Variants in CTNNA3 observed in about 807,000 individuals in gnomAD.
CTNNA3 encodes catenin alpha 3.
A neutral mutation model predicts 95.7 loss-of-function variants in CTNNA3; 76 were observed. That is an observed-to-expected ratio of 0.79 (90% CI 0.66 to 0.96). The LOEUF (loss-of-function observed/expected upper bound fraction) is 0.96, where lower values mean the gene tolerates loss of function less well. CTNNA3 is among the 40% of genes least tolerant of loss of function. CTNNA3 has a pLI of 0.00. For missense variants in CTNNA3, 1,191 were observed against 1,089.8 expected, an observed-to-expected ratio of 1.09 and a Z score of -1.31; for synonymous variants, 431 against 374.4, an observed-to-expected ratio of 1.15 and a Z score of -1.74.
chr10:66,943,660 T>C (rs1214662159), intron 7 of CTNNA3, among the ~76,000 whole-genome samples: 1 of 152,172 alleles, frequency 6.6e-6, no homozygotes, highest in Non-Finnish European at 1.5e-5. Flanking sequence ...ACATGCTACT[T>C]AAACATAGTT....
In CTNNA3 at chr10:66,927,100, G is replaced by A. The variant is rs1847126133; in HGVS notation, c.1048-151576C>T. 6.2e-7 allele frequency: 1 copy of A among 1,613,978 alleles called. No homozygotes were observed. The highest frequency in any genetic ancestry group is 8.5e-7 in the Non-Finnish European group (1 of 1,180,036). On this transcript the variant is annotated intron_variant, in intron 7 of 17. Coordinates refer to ENST00000433211, the MANE Select transcript of CTNNA3 (RefSeq NM_013266.4). This position sits in a 1 kb window ranked among gnomAD's most constrained non-coding sequence, Gnocchi z 4.7. ...GGAGATACCCTCAAGTATATCTGCT[G>A]GTTGCTTAGGTTTGTCCCTTCGCTA...
At chr10:66,090,065 T>A (rs1187742792) in intron 14 of CTNNA3, among the ~76,000 whole-genome samples, 3 of 151,992 alleles carry the variant, frequency 2.0e-5, no homozygotes, top group Non-Finnish European at 1.5e-5. Context: ...AGCAAACGGA[T>A]TTAGGCATCT....
At chr10:65,952,715 G>A (rs759882332) in intron 17 of CTNNA3, among the ~76,000 whole-genome samples, 3 of 152,038 alleles carry the variant, frequency 2.0e-5, no homozygotes, top group Non-Finnish European at 4.4e-5. Flanking sequence ...TGGCTCTTTT[G>A]GTCAATAGCT....
rs535940669 is a variant in CTNNA3, at chr10:66,498,945, A to G, written c.1531+21672T>C. Among the ~76,000 whole-genome samples, 9 of 152,288 alleles carry G rather than the reference A, an allele frequency of 5.9e-5. No individual in the cohort carries two copies. The South Asian group carries it at 1.9e-3, about 32-fold the overall frequency. On this transcript the variant is annotated intron_variant, in intron 11 of 17. Transcript: ENST00000433211. Reference sequence around the variant, plus strand: ...GACGTTACTCCTGTAAAAATCATATACAAGTTTATTTGAGTAAAACAGATT... The same window carrying G: ...GACGTTACTCCTGTAAAAATCATATGCAAGTTTATTTGAGTAAAACAGATT...
chr10:66,508,193 G>T (rs139591668), intron 11 of CTNNA3, among the ~76,000 whole-genome samples: 312 of 97,570 alleles, frequency 3.2e-3, no homozygotes, highest in Middle Eastern at 0.011. Context: ...TTTTTTTTTT[G>T]TTTTGTTTTG....
At chr10:67,178,158 C>A (rs1210419398) in intron 7 of CTNNA3, among the ~76,000 whole-genome samples, 2 of 152,140 alleles carry the variant, frequency 1.3e-5, no homozygotes, top group Non-Finnish European at 2.9e-5. Flanking sequence ...TACTGCCACC[C>A]TTTATTCCTT....
chr10:67,153,515 T>C (rs895141821), intron 7 of CTNNA3, among the ~76,000 whole-genome samples: 1 of 152,182 alleles, frequency 6.6e-6, no homozygotes, highest in Non-Finnish European at 1.5e-5. Context: ...TTCAGAAAGG[T>C]TGTGAAATTT....
chr10:67,211,490 GTAAA>G (rs906541078), intron 6 of CTNNA3, among the ~76,000 whole-genome samples: 7 of 152,164 alleles, frequency 4.6e-5, no homozygotes, highest in African/African-American at 1.4e-4. Context: ...CTTTTATTGG[GTAAA>G]TATTTATTAG....
At chr10:67,696,266 C>T (rs1292160691), upstream of CTNNA3, 1 of 152,086 alleles carries the variant, frequency 6.6e-6, no homozygotes, top group Non-Finnish European at 1.5e-5. Context: ...CAACTTGTTA[C>T]TGAAAATACT....
At chr10:66,269,043 C>T (rs997353244) in intron 13 of CTNNA3, among the ~76,000 whole-genome samples, 2 of 152,150 alleles carry the variant, frequency 1.3e-5, no homozygotes, top group African/African-American at 4.8e-5. Context: ...ATTTGTTATT[C>T]TAACTACTAC....
At chr10:66,428,746 T>A (rs1478716998) in intron 11 of CTNNA3, among the ~76,000 whole-genome samples, 1 of 151,600 alleles carries the variant, frequency 6.6e-6, no homozygotes, top group African/African-American at 2.4e-5. Flanking sequence ...TGGGACACAT[T>A]TAAAGCAGTG....
intron 13 of CTNNA3, among the ~76,000 whole-genome samples, chr10:66,220,514 TG>T (rs983961603): frequency 2.6e-5 from 4 of 152,172 alleles, no homozygotes; most frequent in African/African-American, 9.7e-5. Context: ...TGATACAGTG[TG>T]GTCTGTTAGC....
chr10:67,073,616 G>A (rs888685467), intron 7 of CTNNA3, among the ~76,000 whole-genome samples: 3 of 150,624 alleles, frequency 2.0e-5, no homozygotes, highest in Non-Finnish European at 4.4e-5. Context: ...ACAAAATAAA[G>A]AGGAAAAAAA....
In CTNNA3 at chr10:65,914,976, G is replaced by GAT. The variant is rs2133089870; in HGVS notation, c.*5352_*5353dup. On this transcript the variant is annotated 3_prime_UTR_variant, in exon 18 of 18. Coordinates refer to ENST00000433211, the MANE Select transcript of CTNNA3 (RefSeq NM_013266.4). Reference sequence around the variant, plus strand: ...CCCTCAGCTTCCTTGTCTGTGGAATGATATATATCCTATAGGGTTATTTGG... The same window carrying GAT: ...CCCTCAGCTTCCTTGTCTGTGGAATGATATATATATCCTATAGGGTTATTTGG... 1 of 152,242 alleles carries GAT rather than the reference G, an allele frequency of 6.6e-6. No homozygotes were observed. Among genetic ancestry groups the GAT allele is most frequent in the South Asian group, 2.1e-4 (1 of 4,824 alleles). The allele number at this position is 152,242 out of a possible 1,614,324, so 9.4% of individuals were successfully genotyped here. A position where few individuals can be genotyped will look rare whatever the true frequency, so the allele number is the denominator to read the frequency against.
At chr10:67,509,387 T>A (rs1200654040) in intron 5 of CTNNA3, among the ~76,000 whole-genome samples, 1 of 152,224 alleles carries the variant, frequency 6.6e-6, no homozygotes, top group Non-Finnish European at 1.5e-5. Flanking sequence ...TTCCCTGCCC[T>A]GTGTCCAAGT....
At chr10:67,446,988 C>T (rs1218415951) in intron 5 of CTNNA3, among the ~76,000 whole-genome samples, 1 of 152,144 alleles carries the variant, frequency 6.6e-6, no homozygotes, top group Non-Finnish European at 1.5e-5. Context: ...GCCTGTAGTC[C>T]CAGCTACTCG....
At chr10:66,809,672 T>C (rs891404714) in intron 7 of CTNNA3, among the ~76,000 whole-genome samples, 1 of 152,240 alleles carries the variant, frequency 6.6e-6, no homozygotes, top group Non-Finnish European at 1.5e-5. Flanking sequence ...ATTTGTGTCT[T>C]ATATTAAAGG....
chr10:67,313,559 C>T (rs1482373681), intron 5 of CTNNA3, among the ~76,000 whole-genome samples: 3 of 152,066 alleles, frequency 2.0e-5, no homozygotes, highest in Admixed American at 2.0e-4. Flanking sequence ...AACAGAGAGT[C>T]ATTGAATAAT....
chr10:67,647,005 T>C (rs1372070071), intron 2 of CTNNA3, among the ~76,000 whole-genome samples: 1 of 151,994 alleles, frequency 6.6e-6, no homozygotes, highest in African/African-American at 2.4e-5. Flanking sequence ...TGAGATGCCA[T>C]GTGCCTGAGG....
Sources: gnomAD v4.1 joint callset for allele counts (sites outside exome capture counted in the v4.1 genomes callset) on GRCh38, gnomAD v4.1.1 for gene constraint, Gnocchi (gnomAD v3.1) non-coding constraint, MANE v1.5 for transcripts, NCBI Gene and HGNC (gene_info 2026-07-23, HGNC 2026-07-21) for gene names.